PHF8: variants seen among roughly 807,000 people sequenced by gnomAD.
PHF8 encodes histone lysine demethylase PHF8.
A neutral mutation model predicts 74.4 loss-of-function variants in PHF8; 9 were observed. That is an observed-to-expected ratio of 0.12 (90% CI 0.07 to 0.21). PHF8 has a LOEUF of 0.21. Ranked by LOEUF, PHF8 falls within the 10% of genes least tolerant of loss-of-function variation. The pLI is 1.00. For missense variants in PHF8, 478 were observed against 816.6 expected (o/e 0.59, Z 5.05); for synonymous variants, 311 against 316.6 (o/e 0.98, Z 0.19).
chrX:54,008,778 A>G (rs1211195183), intron 8 of PHF8, among the ~76,000 whole-genome samples: 1 of 112,434 alleles, frequency 8.9e-6, no homozygotes, highest in African/African-American at 3.2e-5. Context: ...AAATATTCAG[A>G]AGGGCAAATC....
At chrX:53,967,955 A>C (rs1346398264) in intron 18 of PHF8, among the ~76,000 whole-genome samples, 2 of 107,271 alleles carry the variant, frequency 1.9e-5, no homozygotes, top group Non-Finnish European at 3.8e-5. Context: ...CCTAATCTCA[A>C]GTACCCAGGG....
chrX:54,011,391 T>C (rs2065979326), intron 7 of PHF8, 107 bp from the exon 8 acceptor site: 1 of 638,271 alleles, frequency 1.6e-6, no homozygotes, highest in African/African-American at 2.2e-5. Flanking sequence ...ACGATGGCAA[T>C]ATGCCAGAGT....
At chrX:54,041,155 G>A (rs1292925294) in intron 2 of PHF8, among the ~76,000 whole-genome samples, 2 of 110,195 alleles carry the variant, frequency 1.8e-5, no homozygotes, top group South Asian at 3.8e-4. Flanking sequence ...TGAGGCGGGC[G>A]GATCGCTTGA....
At chrX:54,027,948 G>C (rs782429899) in intron 2 of PHF8, among the ~76,000 whole-genome samples, 4 of 108,035 alleles carry the variant, frequency 3.7e-5, no homozygotes, top group Non-Finnish European at 7.6e-5. Flanking sequence ...GGGGGATATA[G>C]AGGAATATGT....
chrX:54,003,676 A>G (rs184637908), intron 8 of PHF8, among the ~76,000 whole-genome samples: 2 of 111,970 alleles, frequency 1.8e-5, no homozygotes, highest in Non-Finnish European at 3.8e-5. Context: ...ATTGTTCTTT[A>G]TATCTTTTGG....
At chrX:54,046,253 A>G (rs2066633047), upstream of PHF8, among the ~76,000 whole-genome samples, 1 of 110,862 alleles carries the variant, frequency 9.0e-6, no homozygotes. Flanking sequence ...TGGGACCTGA[A>G]GCTTATATGG....
In PHF8 at chrX:53,953,010, C is replaced by T. The variant is rs782655403; in HGVS notation, c.2540-8767G>A. The stretch of plus-strand genomic sequence containing the variant: ...AATAACTTGGCCAGGTGCGGTGGCT[C>T]GCGCCTGTAATCTCAGCACTTTGGG... On this transcript the variant is annotated intron_variant, in intron 19 of 21. Transcript: ENST00000338154. Among the ~76,000 whole-genome samples the T allele has an allele frequency of 4.8e-3, 527 of 110,188 alleles. 4 individuals carry two copies. Among genetic ancestry groups the T allele is most frequent in the African/African-American group, 0.017 (505 of 30,379 alleles).
At chrX:54,017,377 G>T (rs1009601969) in intron 5 of PHF8, among the ~76,000 whole-genome samples, 1 of 112,463 alleles carries the variant, frequency 8.9e-6, no homozygotes, top group Non-Finnish European at 1.9e-5. Flanking sequence ...AGCCCAGGAG[G>T]AGGTGGAGGC....
At chrX:54,024,669 C>CA (rs2066236616) in intron 2 of PHF8, among the ~76,000 whole-genome samples, 1 of 111,880 alleles carries the variant, frequency 8.9e-6, no homozygotes, top group South Asian at 3.7e-4. Flanking sequence ...CGGTGCCACT[C>CA]AAAGTGTGGT....
At chrX:53,942,289 A>G (rs782798168) in intron 20 of PHF8, among the ~76,000 whole-genome samples, 1 of 111,967 alleles carries the variant, frequency 8.9e-6, no homozygotes, top group East Asian at 2.8e-4. Context: ...ACTCCATAAC[A>G]ACTGCCATTC....
intron 8 of PHF8, among the ~76,000 whole-genome samples, chrX:54,009,135 G>A (rs1012223596): frequency 4.5e-5 from 5 of 111,653 alleles, no homozygotes; most frequent in Non-Finnish European, 9.4e-5. Flanking sequence ...CCGAGATTGT[G>A]CCACTGCACT....
At chrX:53,969,519 C>T (rs922616726) in intron 18 of PHF8, among the ~76,000 whole-genome samples, 7 of 111,759 alleles carry the variant, frequency 6.3e-5, no homozygotes, top group African/African-American at 2.3e-4. Flanking sequence ...ATTGGAAGAA[C>T]TAATATTGCT....
At chrX:53,999,769 C>T in intron 11 of PHF8, 101 bp downstream of exon 11, 1 of 536,694 alleles carries the variant, frequency 1.9e-6, no homozygotes, top group Non-Finnish European at 3.3e-6. Context: ...CAGGAGCCCA[C>T]AAGCTTCTCT....
At chrX:53,957,500 G>A (rs965790432) in intron 19 of PHF8, among the ~76,000 whole-genome samples, 1 of 110,265 alleles carries the variant, frequency 9.1e-6, no homozygotes, top group Non-Finnish European at 1.9e-5. Flanking sequence ...CAGCCTGGGC[G>A]ACAGACCGAG....
At chrX:54,026,792 AGGGGGTCTT>A (rs1356560205) in intron 2 of PHF8, among the ~76,000 whole-genome samples, 7 of 109,985 alleles carry the variant, frequency 6.4e-5, no homozygotes, top group Non-Finnish European at 1.3e-4. Flanking sequence ...TTTTATAGAG[AGGGGGTCTT>A]GCTTTGTTGC....
At chrX:54,045,980 A>G (rs1264620855), upstream of PHF8, among the ~76,000 whole-genome samples, 1 of 59,605 alleles carries the variant, frequency 1.7e-5, no homozygotes, top group Non-Finnish European at 3.5e-5. Context: ...TGTTTTAGAG[A>G]CAAGGTCTCA....
At chrX:53,964,193 T>G (rs1370877014) in intron 18 of PHF8, among the ~76,000 whole-genome samples, 3 of 104,726 alleles carry the variant, frequency 2.9e-5, no homozygotes, top group Non-Finnish European at 5.8e-5. Context: ...TGAGAACACA[T>G]GAAAACAGGG....
At chrX:53,982,895 TAA>T (rs1319278797) in intron 18 of PHF8, among the ~76,000 whole-genome samples, 1 of 112,077 alleles carries the variant, frequency 8.9e-6, no homozygotes. Context: ...AAAAAACTAT[TAA>T]AAACTGATAA....
At chrX:53,942,767 T>C (rs2064771941) in intron 20 of PHF8, 1 of 751,287 alleles carries the variant, frequency 1.3e-6, no homozygotes, top group African/African-American at 2.3e-5. Flanking sequence ...TGATAGGGTA[T>C]GATTCTCAAT....
Sources: gnomAD v4.1 joint callset for allele counts (sites outside exome capture counted in the v4.1 genomes callset) on GRCh38, gnomAD v4.1.1 for gene constraint, MANE v1.5 for transcripts, NCBI Gene and HGNC (gene_info 2026-07-23, HGNC 2026-07-21) for gene names.